Variants in LCMT1 observed in about 807,000 individuals in gnomAD.
LCMT1 encodes the protein leucine carboxyl methyltransferase 1, also known as [Phosphatase 2A protein]-leucine-carboxy methyltransferase 1.
In LCMT1, 32 loss-of-function variants were observed where a neutral mutation model predicts 47.7. The observed-to-expected ratio is 0.67, with a 90% CI of 0.51 to 0.90. LCMT1 has a LOEUF of 0.90. LCMT1 is among the 40% of genes least tolerant of loss of function. The probability of loss-of-function intolerance (pLI) is 0.00; values close to 1 mark genes in which losing one functional copy is unlikely to be tolerated. For missense variants in LCMT1, 375 were observed against 415.2 expected, an observed-to-expected ratio of 0.90 and a Z score of 0.84; for synonymous variants, 152 against 149.7, an observed-to-expected ratio of 1.02 and a Z score of -0.11.
chr16:25,129,781 G>T (rs1960296232), intron 2 of LCMT1, among the ~76,000 whole-genome samples: 1 of 152,160 alleles, frequency 6.6e-6, no homozygotes, highest in South Asian at 2.1e-4. Flanking sequence ...AAAGGCTTTT[G>T]TATATTTCAG....
intron 3 of LCMT1, among the ~76,000 whole-genome samples, chr16:25,134,834 C>G (rs112871442): frequency 0.02 from 3,097 of 152,258 alleles, 45 homozygotes; most frequent in Non-Finnish European, 0.028. Flanking sequence ...CTCCTGGCCT[C>G]AAGTGGTCCA....
chr16:25,155,977 C>T (rs1961244989), intron 5 of LCMT1, among the ~76,000 whole-genome samples: 1 of 152,216 alleles, frequency 6.6e-6, no homozygotes, highest in Non-Finnish European at 1.5e-5. Flanking sequence ...CCCGCACCTG[C>T]TCCTGATTTT....
chr16:25,139,325 C>G (rs1313427981), intron 3 of LCMT1, among the ~76,000 whole-genome samples: 1 of 152,104 alleles, frequency 6.6e-6, no homozygotes, highest in Non-Finnish European at 1.5e-5. Flanking sequence ...CCAAGAGTGC[C>G]TGTTCTTTAA....
intron 9 of LCMT1, chr16:25,174,733 T>G: frequency 2.8e-5 from 9 of 325,108 alleles, no homozygotes; most frequent in Non-Finnish European, 3.9e-5. Context: ...TAGTTTGGCA[T>G]TTGTATTTTG....
Position 25,151,568 on chromosome 16 carries a change from T to C in LCMT1, c.419T>C (p.Leu140Pro). 6.2e-7 allele frequency: 1 copy of C among 1,613,464 alleles called. No homozygotes were observed. The highest frequency in any genetic ancestry group is 8.5e-7 in the Non-Finnish European group (1 of 1,179,570). ...KLHSIKCKPP[L>P]SSPILELHSE... ...TCTTCCCATAGATGCAAGCCTCCCC[T>C]ATCCAGCCCCATTCTAGAACTGCAT... is the stretch of plus-strand genomic sequence containing the variant. The change falls in exon 5 of 11, where the codon CTA becomes CCA. Residue 140 changes from leucine (L) to proline (P), a missense_variant. Transcript: ENST00000399069.
intron 9 of LCMT1, 161 bp from the exon 10 acceptor site, chr16:25,174,776 T>C: frequency 2.5e-6 from 1 of 401,236 alleles, no homozygotes. Flanking sequence ...TTCTTTTCAG[T>C]GAAAAGACAT....
chr16:25,140,123 G>C (rs755171629), intron 3 of LCMT1, 48 bp from the exon 4 acceptor site: 48 of 1,374,096 alleles, frequency 3.5e-5, no homozygotes, highest in Non-Finnish European at 4.8e-5. Context: ...AAGATGATCA[G>C]CACATGTAAG....
intron 5 of LCMT1, among the ~76,000 whole-genome samples, chr16:25,159,365 G>T (rs1046380504): frequency 6.6e-6 from 1 of 152,318 alleles, no homozygotes; most frequent in Middle Eastern, 3.4e-3. Context: ...GAGCTCCTGG[G>T]CTCAAGCCAT....
chr16:25,177,338 T>C (rs1961979477), intron 10 of LCMT1, among the ~76,000 whole-genome samples: 1 of 152,224 alleles, frequency 6.6e-6, no homozygotes, highest in Non-Finnish European at 1.5e-5. Context: ...CTCTTGTGAC[T>C]TTTCCCTTCC....
chr16:25,167,470 C>T (rs376432901), intron 7 of LCMT1, among the ~76,000 whole-genome samples: 47 of 151,918 alleles, frequency 3.1e-4, no homozygotes, highest in African/African-American at 1.1e-3. Flanking sequence ...GTGCACACCA[C>T]CACTCTTGAC....
chr16:25,175,145 CTTCT>C (rs1961892612), intron 10 of LCMT1, 111 bp downstream of exon 10: 8 of 639,550 alleles, frequency 1.3e-5, no homozygotes, highest in Non-Finnish European at 1.6e-5. Context: ...CTCTCTGTCC[CTTCT>C]TTCTTGTTTT....
intron 6 of LCMT1, among the ~76,000 whole-genome samples, chr16:25,161,520 C>A (rs1861926525): frequency 6.6e-6 from 1 of 152,072 alleles, no homozygotes; most frequent in Non-Finnish European, 1.5e-5. Flanking sequence ...CCATGCCTGG[C>A]TAAGTTTGTA....
chr16:25,132,225 A>G, intron 2 of LCMT1, 177 bp from the exon 3 acceptor site: 1 of 675,340 alleles, frequency 1.5e-6, no homozygotes, highest in Non-Finnish European at 2.5e-6. Flanking sequence ...GATGCCTTTA[A>G]CCAAAAAAAA....
At chr16:25,156,998 G>A (rs150320549) in intron 5 of LCMT1, among the ~76,000 whole-genome samples, 1 of 148,304 alleles carries the variant, frequency 6.7e-6, no homozygotes, top group Non-Finnish European at 1.5e-5. Context: ...AACCTAAAAG[G>A]TCACTTTGCA....
intron 10 of LCMT1, 142 bp downstream of exon 10, chr16:25,175,176 C>G: frequency 1.7e-6 from 1 of 598,930 alleles, no homozygotes; most frequent in Non-Finnish European, 3.0e-6. Context: ...GGGTCTCGCT[C>G]TGTCACCCAG....
intron 1 of LCMT1, among the ~76,000 whole-genome samples, chr16:25,127,112 T>G (rs1960213959): frequency 6.6e-6 from 1 of 152,166 alleles, no homozygotes; most frequent in African/African-American, 2.4e-5. Flanking sequence ...GCCTGTAATC[T>G]CAGCACCTTG....
intron 9 of LCMT1, among the ~76,000 whole-genome samples, chr16:25,171,594 T>C (rs777585541): frequency 6.6e-5 from 10 of 152,156 alleles, no homozygotes; most frequent in Non-Finnish European, 1.0e-4. Flanking sequence ...CCTGGAAAAC[T>C]CCCAGAGCAA....
intron 4 of LCMT1, among the ~76,000 whole-genome samples, chr16:25,150,843 C>T (rs189093301): frequency 3.2e-4 from 48 of 152,088 alleles, no homozygotes; most frequent in African/African-American, 1.2e-3. Flanking sequence ...AATAATGGAT[C>T]ACCCTTTCCT....
chr16:25,167,243 G>A (rs540859897), intron 7 of LCMT1, among the ~76,000 whole-genome samples: 1 of 151,886 alleles, frequency 6.6e-6, no homozygotes, highest in Non-Finnish European at 1.5e-5. Flanking sequence ...CCTAACAAAC[G>A]CAAAATGACC....
Sources: allele counts gnomAD v4.1 joint callset (sites outside exome capture counted in the v4.1 genomes callset), GRCh38; gene constraint gnomAD v4.1.1; transcripts MANE v1.5; gene names NCBI Gene and HGNC (gene_info 2026-07-23, HGNC 2026-07-21).